The following DLGAP2 variants were observed in gnomAD, a reference collection of about 807,000 sequenced individuals.
The protein encoded by DLGAP2 is DLG associated protein 2, also known as disks large-associated protein 2.
DLGAP2 carries 26 observed loss-of-function variants against 100.3 expected under a neutral mutation model. The ratio of observed to expected loss-of-function variants is 0.26; its 90% confidence interval spans 0.19 to 0.36. The LOEUF is 0.36. Ranked by LOEUF, DLGAP2 falls within the 10% of genes least tolerant of loss-of-function variation. The pLI is 1.00. For missense variants in DLGAP2, 1,858 were observed against 1,453.2 expected, an observed-to-expected ratio of 1.28 and a Z score of -4.53; for synonymous variants, 886 against 630.1, an observed-to-expected ratio of 1.41 and a Z score of -6.08.
At chr8:1,505,882 A>G (rs73672751) in intron 4 of DLGAP2, among the ~76,000 whole-genome samples, 2,905 of 152,308 alleles carry the variant, frequency 0.019, 90 homozygotes, top group African/African-American at 0.065. Context: ...TGCATCTATG[A>G]AGAGTGCTAT....
intron 3 of DLGAP2, among the ~76,000 whole-genome samples, chr8:1,272,464 A>G (rs986608091): frequency 1.3e-5 from 2 of 151,878 alleles, no homozygotes; most frequent in African/African-American, 2.4e-5. Flanking sequence ...AACATTTTAT[A>G]TATAGAAAAC....
At position 1,584,637 on chromosome 8, in the gene DLGAP2, T is replaced by C. The variant is rs117007204; in HGVS notation, c.1442+18743T>C. The stretch of plus-strand genomic sequence containing the variant: ...CTAGGGGTTCCCAGGTCCCTGACGA[T>C]GTCTCTCCTCAGAAGCTCAGGCATC... On this transcript the variant is annotated intron_variant, in intron 6 of 14. Coordinates refer to ENST00000637795, the MANE Select transcript of DLGAP2 (RefSeq NM_001346810.2). 1.3e-3 allele frequency among the ~76,000 whole-genome samples: 203 copies of C among 152,284 alleles called. 1 individual carries two copies. Among genetic ancestry groups the C allele is most frequent in the Non-Finnish European group, 2.3e-3 (159 of 68,018 alleles).
chr8:1,678,506 A>G lies in DLGAP2; in HGVS notation c.2581A>G (p.Met861Val), dbSNP rs1322526004. ...PAIDTVETGRMSPCRRDGSWF... is the reference protein window; with the variant it reads ...PAIDTVETGRVSPCRRDGSWF... ...CATCGACACGGTAGAGACTGGGAGG[A>G]TGTCTCCGTGCCGCAGGGATGGCTC... The change falls in exon 12 of 15, where the codon ATG becomes GTG. Residue 861 changes from methionine to valine, a missense_variant. Coordinates refer to ENST00000637795, the MANE Select transcript of DLGAP2 (RefSeq NM_001346810.2). 6.2e-7 allele frequency: 1 copy of G among 1,611,286 alleles called. No individual in the cohort carries two copies.
chr8:932,172 C>T (rs1009097705), intron 2 of DLGAP2, among the ~76,000 whole-genome samples: 10 of 152,172 alleles, frequency 6.6e-5, no homozygotes, highest in African/African-American at 2.4e-4. Flanking sequence ...TCACCTTTTC[C>T]CTCTCACCTT....
At chr8:853,280 C>T (rs986521509) in intron 1 of DLGAP2, among the ~76,000 whole-genome samples, 2 of 152,168 alleles carry the variant, frequency 1.3e-5, no homozygotes, top group Non-Finnish European at 1.5e-5. Flanking sequence ...GAGATGGAAG[C>T]TTCCAGAGCT....
intron 2 of DLGAP2, among the ~76,000 whole-genome samples, chr8:1,200,199 C>T (rs557841526): frequency 1.3e-3 from 203 of 152,312 alleles, no homozygotes; most frequent in African/African-American, 4.6e-3. Context: ...CCGTGCAGCA[C>T]CGGGTGTCAC....
At chr8:1,080,879 G>T (rs1384406881) in intron 2 of DLGAP2, among the ~76,000 whole-genome samples, 5 of 152,038 alleles carry the variant, frequency 3.3e-5, no homozygotes, top group Non-Finnish European at 2.9e-5. Context: ...ATTAAATATT[G>T]GTTTAAAGGA....
At chr8:909,572 C>A (rs558184053) in intron 2 of DLGAP2, among the ~76,000 whole-genome samples, 1 of 152,008 alleles carries the variant, frequency 6.6e-6, no homozygotes. Context: ...AGTAATCAAT[C>A]TGTAGAACCA....
At chr8:1,628,796 A>G (rs1159859912) in intron 7 of DLGAP2, among the ~76,000 whole-genome samples, 3 of 151,884 alleles carry the variant, frequency 2.0e-5, no homozygotes, top group Non-Finnish European at 4.4e-5. Flanking sequence ...GCAGGGATTA[A>G]GAGCCTGAGC....
At chr8:1,027,269 C>A (rs892741391) in intron 2 of DLGAP2, among the ~76,000 whole-genome samples, 34 of 152,242 alleles carry the variant, frequency 2.2e-4, no homozygotes, top group Admixed American at 2.2e-3. Flanking sequence ...ATTAGTTACA[C>A]GCCCGTGGTG....
rs139791727 is a variant in DLGAP2, at chr8:1,623,911, G to T, written c.1443-2829G>T. 4.1e-3 allele frequency among the ~76,000 whole-genome samples: 632 copies of T among 152,328 alleles called. 2 individuals are homozygous for T. Among genetic ancestry groups the T allele is most frequent in the African/African-American group, 0.015 (604 of 41,552 alleles). On this transcript the variant is annotated intron_variant, in intron 6 of 14. Transcript: ENST00000637795. The stretch of plus-strand genomic sequence containing the variant: ...CTTTCTTCAGCGGCAACATTTATGT[G>T]TCACACTCCATTTTGAAATAAAGAG...
intron 3 of DLGAP2, among the ~76,000 whole-genome samples, chr8:1,322,899 A>G (rs1284207589): frequency 6.6e-6 from 1 of 152,168 alleles, no homozygotes; most frequent in Non-Finnish European, 1.5e-5. Flanking sequence ...ATTGTGTACT[A>G]TTATCGGAGT....
intron 14 of DLGAP2, 23 bp from the exon 15 acceptor site, chr8:1,701,165 C>T (rs1165312083): frequency 6.5e-6 from 10 of 1,548,406 alleles, no homozygotes; most frequent in African/African-American, 5.5e-5. Context: ...CACCTGCCAA[C>T]GGTGACTTGC....
chr8:1,479,921 G>A (rs757644727), intron 3 of DLGAP2, among the ~76,000 whole-genome samples: 6 of 152,332 alleles, frequency 3.9e-5, no homozygotes, highest in Middle Eastern at 3.4e-3. Context: ...TCTCAGCTGC[G>A]TATGTAAATT....
intron 2 of DLGAP2, among the ~76,000 whole-genome samples, chr8:1,256,652 T>A (rs1178177606): frequency 3.3e-5 from 5 of 150,366 alleles, no homozygotes; most frequent in South Asian, 2.1e-4. Context: ...TGCAATCAGA[T>A]GCCCGCGTGG....
At chr8:1,045,226 C>T (rs1224959400) in intron 2 of DLGAP2, among the ~76,000 whole-genome samples, 1 of 152,178 alleles carries the variant, frequency 6.6e-6, no homozygotes, top group Non-Finnish European at 1.5e-5. Context: ...CTTAGCTTCC[C>T]TGTTTATGAA....
At position 1,188,994 on chromosome 8, in the gene DLGAP2, G is replaced by A. The variant is rs902946516; in HGVS notation, c.74-69857G>A. Among the ~76,000 whole-genome samples the A allele has an allele frequency of 1.3e-4, 20 of 149,568 alleles. 4 individuals are homozygous for A. Among genetic ancestry groups the A allele is most frequent in the East Asian group, 3.9e-4 (2 of 5,124 alleles). On this transcript the variant is annotated intron_variant, in intron 2 of 14. Transcript: ENST00000637795. ...AGGGTTCGGGCCCCAGGCCGGTTCC[G>A]CGGTTGGGGTTGACCTTACACAGGG...
intron 2 of DLGAP2, among the ~76,000 whole-genome samples, chr8:1,095,841 A>G (rs1285191995): frequency 6.6e-6 from 1 of 152,258 alleles, no homozygotes; most frequent in Non-Finnish European, 1.5e-5. Context: ...GAGCTTATTT[A>G]TTTTTCAGTG....
intron 1 of DLGAP2, among the ~76,000 whole-genome samples, chr8:906,741 C>A (rs1439302736): frequency 6.6e-6 from 1 of 152,218 alleles, no homozygotes; most frequent in African/African-American, 2.4e-5. Context: ...TTGTTCTCTG[C>A]CTCAGCCACA....
Sources: allele counts gnomAD v4.1 joint callset (sites outside exome capture counted in the v4.1 genomes callset), GRCh38; gene constraint gnomAD v4.1.1; transcripts MANE v1.5; gene names NCBI Gene and HGNC (gene_info 2026-07-23, HGNC 2026-07-21).